The following PXMP2 variants were observed in gnomAD, a reference collection of about 807,000 sequenced individuals.
PXMP2 encodes the protein peroxisomal membrane protein 2.
PXMP2 carries 13 observed loss-of-function variants against 20.2 expected under a neutral mutation model. That is an observed-to-expected ratio of 0.64 (90% CI 0.42 to 1.02). PXMP2 has a LOEUF of 1.02. PXMP2 is among the 50% of genes least tolerant of loss of function. PXMP2 has a pLI of 0.00. For missense variants in PXMP2, 284 were observed against 251.8 expected, an observed-to-expected ratio of 1.13 and a Z score of -0.87; for synonymous variants, 113 against 111.2, an observed-to-expected ratio of 1.02 and a Z score of -0.10.
rs534917435 is a variant in PXMP2, at chr12:132,702,730, G to A, written c.519+1361G>A. On this transcript the variant is annotated intron_variant, in intron 4 of 4. Coordinates refer to ENST00000317479, the MANE Select transcript of PXMP2 (RefSeq NM_018663.3). The stretch of plus-strand genomic sequence containing the variant: ...GGCCCTTCTGGGAAAGGTGGGTGCC[G>A]TCCCAGCCCAGGCTGCTGCTAGGGA... Among the ~76,000 whole-genome samples, 30 of 152,334 alleles carry A rather than the reference G, an allele frequency of 2.0e-4. 1 individual carries two copies. The highest frequency in any genetic ancestry group is 8.5e-4 in the Admixed American group (13 of 15,306).
chr12:132,697,312 A>ATAAC (rs1253704739), intron 3 of PXMP2, among the ~76,000 whole-genome samples: 1 of 151,852 alleles, frequency 6.6e-6, no homozygotes, highest in African/African-American at 2.4e-5. Context: ...AAATAAATAA[A>ATAAC]TAAACACATT....
In PXMP2 at chr12:132,687,887, G is replaced by A. The variant is rs1171948381; in HGVS notation, c.122+95G>A. Reference sequence around the variant, plus strand: ...GGGAGCGCCGGGCCGGGACCAGGCTGGGGGCGCGCCCGGGTCAGAACCCCC... The same window carrying A: ...GGGAGCGCCGGGCCGGGACCAGGCTAGGGGCGCGCCCGGGTCAGAACCCCC... On this transcript the variant is annotated intron_variant, in intron 1 of 4. Transcript: ENST00000317479. 6 of 1,057,848 alleles carry A rather than the reference G, an allele frequency of 5.7e-6. No homozygotes were observed. In the East Asian group the frequency reaches 3.0e-4, roughly 52 times the overall value. The allele number at this position is 1,057,848 out of a possible 1,614,324, so 65.5% of individuals were successfully genotyped here.
chr12:132,697,503 G>A (rs1230570731), intron 3 of PXMP2, among the ~76,000 whole-genome samples: 1 of 151,806 alleles, frequency 6.6e-6, no homozygotes, highest in East Asian at 2.0e-4. Context: ...TGCCTCCCGG[G>A]TTCAAACGAT....
intron 4 of PXMP2, chr12:132,702,677 G>A (rs1296657355): frequency 5.3e-6 from 1 of 189,034 alleles, no homozygotes; most frequent in Non-Finnish European, 1.2e-5. Context: ...TGCATTGTTG[G>A]TGCAAACAGT....
At chr12:132,702,716 G>A (rs1029673156) in intron 4 of PXMP2, among the ~76,000 whole-genome samples, 1 of 152,244 alleles carries the variant, frequency 6.6e-6, no homozygotes, top group African/African-American at 2.4e-5. Context: ...GCCCTTCTGG[G>A]AAAGGTGGGT....
chr12:132,704,574 C>A, intron 4 of PXMP2, 45 bp from the exon 5 acceptor site: 1 of 1,373,202 alleles, frequency 7.3e-7, no homozygotes, highest in Admixed American at 3.0e-5. Flanking sequence ...TAACTGGCCA[C>A]GGCCTCCCGC....
intron 2 of PXMP2, among the ~76,000 whole-genome samples, chr12:132,692,018 T>TAGTTAGTGAGCTCCCTTGCC (rs2043370263): frequency 2.0e-5 from 3 of 150,316 alleles, no homozygotes; most frequent in South Asian, 4.2e-4. Context: ...CCTTGCCAGT[T>TAGTTAGTGAGCTCCCTTGCC]AGTTAGTGAG....
At position 132,696,520 on chromosome 12, in the gene PXMP2, G is replaced by A. The variant is rs543971436; in HGVS notation, c.399+474G>A. ...CACTGTGTAAAGAAAGAAACAGGCC[G>A]GGCACAGTGGCTCACACCTGTAATC... On this transcript the variant is annotated intron_variant, in intron 3 of 4. Coordinates refer to ENST00000317479, the MANE Select transcript of PXMP2 (RefSeq NM_018663.3). The surrounding 1 kb of genome is among the most constrained non-coding windows in gnomAD (Gnocchi z 4.4). Among the ~76,000 whole-genome samples the A allele has an allele frequency of 1.5e-4, 23 of 152,250 alleles. No individual in the cohort carries two copies. Among genetic ancestry groups the A allele is most frequent in the South Asian group, 4.1e-4 (2 of 4,822 alleles).
chr12:132,704,445 T>C (rs1450988773), intron 4 of PXMP2, among the ~76,000 whole-genome samples, 174 bp from the exon 5 acceptor site: 1 of 152,158 alleles, frequency 6.6e-6, no homozygotes, highest in Admixed American at 6.5e-5. Flanking sequence ...TCCTCTCTGC[T>C]AGGGGCCTAG....
chr12:132,694,963 TGCCAGTTAGTTAGTGAGCTCCCTTA>T (rs1565991636), intron 2 of PXMP2, among the ~76,000 whole-genome samples: 17 of 56,196 alleles, frequency 3.0e-4, no homozygotes, highest in African/African-American at 3.2e-4. Context: ...TGAGCTCCCT[TGCCAGTTAGTTAGTGAGCTCCCTTA>T]GCCAGTTAGT....
intron 4 of PXMP2, among the ~76,000 whole-genome samples, chr12:132,703,250 TAGTG>T (rs1283751354): frequency 9.9e-5 from 15 of 152,030 alleles, no homozygotes; most frequent in African/African-American, 3.4e-4. Flanking sequence ...CTGGGCAACA[TAGTG>T]AGACCCCATC....
chr12:132,704,082 C>A (rs1192557995), intron 4 of PXMP2, among the ~76,000 whole-genome samples: 1 of 152,108 alleles, frequency 6.6e-6, no homozygotes, highest in African/African-American at 2.4e-5. Flanking sequence ...GGAGACGCGG[C>A]GATTAACCAG....
At chr12:132,702,184 T>C (rs762402149) in intron 4 of PXMP2, among the ~76,000 whole-genome samples, 2 of 152,252 alleles carry the variant, frequency 1.3e-5, no homozygotes, top group African/African-American at 2.4e-5. Flanking sequence ...TGTGCGGCCA[T>C]GGGTCCTGCC....
At chr12:132,694,028 TAGTGAGCGCCCTTGCCAGTTAGTTA>T (rs2136062589) in intron 2 of PXMP2, among the ~76,000 whole-genome samples, 1 of 131,930 alleles carries the variant, frequency 7.6e-6, no homozygotes, top group African/African-American at 2.9e-5. Context: ...GCCAGTTAGT[TAGTGAGCGCCCTTGCCAGTTAGTTA>T]AGTGAGCGCC....
chr12:132,697,658 G>T (rs1351597811), intron 3 of PXMP2, among the ~76,000 whole-genome samples: 1 of 151,982 alleles, frequency 6.6e-6, no homozygotes, highest in East Asian at 1.9e-4. Context: ...CGCCTGCCTT[G>T]GCCTCCCAAA....
intron 2 of PXMP2, among the ~76,000 whole-genome samples, chr12:132,694,719 G>C (rs549787977): frequency 7.6e-6 from 1 of 131,226 alleles, no homozygotes; most frequent in Admixed American, 7.7e-5. Context: ...TTGCCAGTTA[G>C]TGAGCTCCCT....
At chr12:132,695,461 G>A (rs1050726319) in intron 2 of PXMP2, among the ~76,000 whole-genome samples, 3 of 152,360 alleles carry the variant, frequency 2.0e-5, no homozygotes, top group East Asian at 1.9e-4. Context: ...GCACTGCAGT[G>A]GACAGAAGAC....
intron 3 of PXMP2, 78 bp from the exon 4 acceptor site, chr12:132,701,172 A>G (rs941421767): frequency 3.8e-6 from 6 of 1,576,742 alleles, no homozygotes; most frequent in Non-Finnish European, 3.5e-6. Flanking sequence ...AAAAACCATC[A>G]CGATAGGGTC....
intron 3 of PXMP2, among the ~76,000 whole-genome samples, chr12:132,698,390 A>G (rs2043421626): frequency 6.6e-6 from 1 of 152,240 alleles, no homozygotes; most frequent in Non-Finnish European, 1.5e-5. Flanking sequence ...GTATTCAAAC[A>G]TGACATTATT....
Sources: gnomAD v4.1 joint callset for allele counts (sites outside exome capture counted in the v4.1 genomes callset) on GRCh38, gnomAD v4.1.1 for gene constraint, Gnocchi (gnomAD v3.1) non-coding constraint, MANE v1.5 for transcripts, NCBI Gene and HGNC (gene_info 2026-07-23, HGNC 2026-07-21) for gene names.